METTL15: variants seen among roughly 807,000 people sequenced by gnomAD.
METTL15 encodes the protein 12S rRNA N(4)-cytidine methyltransferase METTL15.
A neutral mutation model predicts 38.3 loss-of-function variants in METTL15; 34 were observed. The observed-to-expected ratio is 0.89, with a 90% CI of 0.68 to 1.18. The LOEUF (loss-of-function observed/expected upper bound fraction) is 1.18, where lower values mean the gene tolerates loss of function less well. Among genes scored for constraint, METTL15 ranks in the 50% most tolerant of loss-of-function variants. The pLI, the probability that METTL15 is intolerant of heterozygous loss-of-function variation, is 0.00. For synonymous variants in METTL15, 162 were observed against 170.9 expected, an observed-to-expected ratio of 0.95 and a Z score of 0.41; for missense variants, 438 against 498.4, an observed-to-expected ratio of 0.88 and a Z score of 1.15.
At chr11:28,389,044 G>A (rs1230476959) in intron 5 of METTL15, among the ~76,000 whole-genome samples, 1 of 151,896 alleles carries the variant, frequency 6.6e-6, no homozygotes, top group Non-Finnish European at 1.5e-5. Flanking sequence ...GTATTCCATG[G>A]GGTATACGTG....
At position 28,332,591 on chromosome 11, in the gene METTL15, G is replaced by A. The variant is rs1187661680; in HGVS notation, c.*1750G>A. On this transcript the variant is annotated 3_prime_UTR_variant, in exon 7 of 7. Coordinates refer to ENST00000407364, the MANE Select transcript of METTL15 (RefSeq NM_001113528.2). ...ATTTGGAAATACTGTGGTTGTGGTT[G>A]TAAGTAGCTAAGATGAGGTCATACT... is the stretch of plus-strand genomic sequence containing the variant. The A allele has an allele frequency of 6.8e-6, 1 of 148,122 alleles. No individual in the cohort carries two copies. Among genetic ancestry groups the A allele is most frequent in the Non-Finnish European group, 1.5e-5 (1 of 67,558 alleles). 9.2% of individuals were successfully genotyped at this position (148,122 alleles called of 1,614,324 possible).
At chr11:28,398,634 T>C (rs1018178657) in intron 5 of METTL15, among the ~76,000 whole-genome samples, 7 of 152,160 alleles carry the variant, frequency 4.6e-5, no homozygotes, top group African/African-American at 9.6e-5. Flanking sequence ...GCCTATTCAC[T>C]CTGATGATAG....
intron 4 of METTL15, among the ~76,000 whole-genome samples, chr11:28,267,215 C>T (rs953712812): frequency 6.6e-6 from 1 of 151,624 alleles, no homozygotes; most frequent in African/African-American, 2.4e-5. Flanking sequence ...TTCTAGGGCC[C>T]TCCAGTGTCT....
At position 28,370,626 on chromosome 11, in the gene METTL15, G is replaced by A. The variant is rs11030299; in HGVS notation, c.*358+8590G>A. On this transcript the variant is annotated intron_variant and NMD_transcript_variant, in intron 5 of 7. Transcript: ENST00000532947. The stretch of plus-strand genomic sequence containing the variant: ...TTCTATTTTTGTTTTTTTGAGAAAC[G>A]TTCATACATTTTCCATAGTGACTGT... Among the ~76,000 whole-genome samples, 285 of 151,922 alleles carry A rather than the reference G, an allele frequency of 1.9e-3. 1 individual carries two copies. The highest frequency in any genetic ancestry group is 6.8e-3 in the Middle Eastern group (2 of 294).
At chr11:28,310,955 GGTGGTGGTGGGTGTGTGT>G (rs1857268806) in intron 6 of METTL15, among the ~76,000 whole-genome samples, 2 of 137,350 alleles carry the variant, frequency 1.5e-5, no homozygotes, top group South Asian at 4.9e-4. Flanking sequence ...TGGTGGTGGT[GGTGGTGGTGGGTGTGTGT>G]GTGTGTGTGT....
intron 5 of METTL15, among the ~76,000 whole-genome samples, chr11:28,398,246 A>T (rs770476358): frequency 6.6e-6 from 1 of 152,072 alleles, no homozygotes; most frequent in Non-Finnish European, 1.5e-5. Flanking sequence ...TCAAAAAAGG[A>T]TAAATGAAAC....
chr11:28,385,161 G>T (rs1850427566), intron 5 of METTL15, among the ~76,000 whole-genome samples: 1 of 152,106 alleles, frequency 6.6e-6, no homozygotes, highest in South Asian at 2.1e-4. Context: ...GAAGCCATTT[G>T]TCAATTTTTG....
At chr11:28,238,006 T>A (rs975278502) in intron 4 of METTL15, among the ~76,000 whole-genome samples, 1 of 152,176 alleles carries the variant, frequency 6.6e-6, no homozygotes, top group Non-Finnish European at 1.5e-5. Flanking sequence ...GGTGTCAGTC[T>A]GCCCCTGCTG....
intron 6 of METTL15, among the ~76,000 whole-genome samples, chr11:28,483,619 G>A (rs1390980424): frequency 1.3e-5 from 2 of 152,152 alleles, no homozygotes; most frequent in East Asian, 3.9e-4. Context: ...TATAGCCTGT[G>A]TCTCAACTAA....
At chr11:28,240,582 A>G (rs1854250571) in intron 4 of METTL15, among the ~76,000 whole-genome samples, 1 of 152,226 alleles carries the variant, frequency 6.6e-6, no homozygotes, top group African/African-American at 2.4e-5. Flanking sequence ...TATAGCAAAT[A>G]GCTTGTTCTA....
downstream of METTL15, among the ~76,000 whole-genome samples, chr11:28,335,265 G>A (rs1258646247): frequency 6.6e-6 from 1 of 152,134 alleles, no homozygotes; most frequent in African/African-American, 2.4e-5. Flanking sequence ...GCTAAGTTGA[G>A]GAGAAGACCG....
Position 28,377,293 on chromosome 11 carries a change from A to C in METTL15, c.*358+15257A>C, listed in dbSNP as rs1400646304. ...TCCATTCTCCCCATCACTTTCAGGTACACCAATCAGACATAGATTTGGTCT... is the reference window on the plus strand; with the variant it reads ...TCCATTCTCCCCATCACTTTCAGGTCCACCAATCAGACATAGATTTGGTCT... On this transcript the variant is annotated intron_variant and NMD_transcript_variant, in intron 5 of 7. Coordinates refer to the METTL15 transcript ENST00000532947. Among the ~76,000 whole-genome samples, 5 of 151,344 alleles carry C rather than the reference A, an allele frequency of 3.3e-5. No individual in the cohort carries two copies. In the East Asian group the frequency reaches 9.7e-4, roughly 29 times the overall value.
intron 6 of METTL15, among the ~76,000 whole-genome samples, chr11:28,498,813 G>A (rs775269875): frequency 6.6e-6 from 1 of 152,214 alleles, no homozygotes; most frequent in Non-Finnish European, 1.5e-5. Context: ...ATACCTAAAT[G>A]TTGTTCATGG....
At chr11:28,173,419 C>A (rs980671739) in intron 3 of METTL15, among the ~76,000 whole-genome samples, 3 of 152,158 alleles carry the variant, frequency 2.0e-5, no homozygotes, top group Non-Finnish European at 4.4e-5. Context: ...CACCAGACAT[C>A]AAATCTGCTG....
intron 4 of METTL15, among the ~76,000 whole-genome samples, chr11:28,234,214 T>G (rs1853827829): frequency 6.6e-6 from 1 of 152,150 alleles, no homozygotes; most frequent in South Asian, 2.1e-4. Flanking sequence ...TTGTTGGACA[T>G]TTGGGTTGGT....
In METTL15 at chr11:28,481,318, A is replaced by G. The variant is rs145771919; in HGVS notation, c.*425-45160A>G. 2.0e-4 allele frequency among the ~76,000 whole-genome samples: 31 copies of G among 152,342 alleles called. 1 individual carries two copies. The highest frequency in any genetic ancestry group is 3.4e-3 in the Middle Eastern group (1 of 294). ...TTTTGGACTTCTGACCTCCAGAACT[A>G]CAGGACGATAAAAGTGTTTTAAGCC... is the stretch of plus-strand genomic sequence containing the variant. On this transcript the variant is annotated intron_variant and NMD_transcript_variant, in intron 6 of 7. Coordinates refer to the METTL15 transcript ENST00000532947.
chr11:28,286,961 CTATATA>C (rs767707553), intron 4 of METTL15, among the ~76,000 whole-genome samples: 12 of 150,188 alleles, frequency 8.0e-5, no homozygotes, highest in Non-Finnish European at 1.8e-4. Context: ...ATTCTCCACA[CTATATA>C]TATATGTACT....
chr11:28,127,325 G>C (rs1852533025), intron 3 of METTL15, among the ~76,000 whole-genome samples: 1 of 152,002 alleles, frequency 6.6e-6, no homozygotes, highest in Non-Finnish European at 1.5e-5. Context: ...ATTAAATACT[G>C]TGTGAGTTCA....
chr11:28,469,290 A>T (rs1221306861), intron 6 of METTL15, among the ~76,000 whole-genome samples: 1 of 152,098 alleles, frequency 6.6e-6, no homozygotes, highest in Non-Finnish European at 1.5e-5. Flanking sequence ...GACAAGTAAG[A>T]GTTGTATATA....
Sources: gnomAD v4.1 joint callset for allele counts (sites outside exome capture counted in the v4.1 genomes callset) on GRCh38, gnomAD v4.1.1 for gene constraint, MANE v1.5 for transcripts, NCBI Gene and HGNC (gene_info 2026-07-23, HGNC 2026-07-21) for gene names.